Variants in TRDN observed in about 807,000 individuals in gnomAD.
The protein encoded by TRDN is triadin in skeletal muscle.
TRDN carries 161 observed loss-of-function variants against 149.7 expected under a neutral mutation model. The observed-to-expected ratio is 1.08, with a 90% CI of 0.95 to 1.23. The LOEUF is 1.23. Ranked by LOEUF, TRDN falls within the 50% of genes most tolerant of loss-of-function variation. The pLI, the probability that TRDN is intolerant of heterozygous loss-of-function variation, is 0.00. For synonymous variants in TRDN, 294 were observed against 250.5 expected (o/e 1.17, Z -1.64); for missense variants, 896 against 823.5 (o/e 1.09, Z -1.08).
At chr6:123,525,714 G>T (rs1481502254) in intron 5 of TRDN, among the ~76,000 whole-genome samples, 1 of 151,914 alleles carries the variant, frequency 6.6e-6, no homozygotes, top group Non-Finnish European at 1.5e-5. Flanking sequence ...AAAAAAACTT[G>T]TATTTTTATA....
At chr6:123,481,329 G>A (rs755725483) in intron 9 of TRDN, among the ~76,000 whole-genome samples, 2 of 151,038 alleles carry the variant, frequency 1.3e-5, no homozygotes, top group Non-Finnish European at 2.9e-5. Flanking sequence ...CAAGGTTTGG[G>A]TGTGTATGTC....
intron 24 of TRDN, among the ~76,000 whole-genome samples, chr6:123,284,082 G>C (rs1582820437): frequency 3.8e-5 from 4 of 105,460 alleles, no homozygotes; most frequent in Non-Finnish European, 3.8e-5. Flanking sequence ...ACTAACTCTT[G>C]CCCCCCCCCC....
intron 21 of TRDN, among the ~76,000 whole-genome samples, chr6:123,345,818 C>T (rs912425483): frequency 6.6e-6 from 1 of 151,838 alleles, no homozygotes; most frequent in African/African-American, 2.4e-5. Context: ...TATAAGTGAT[C>T]GTTGTGTTTT....
intron 38 of TRDN, among the ~76,000 whole-genome samples, chr6:123,231,055 C>T (rs1775579864): frequency 6.6e-6 from 1 of 152,000 alleles, no homozygotes; most frequent in Non-Finnish European, 1.5e-5. Flanking sequence ...CCTGCAGCAA[C>T]ACATTTTAAA....
intron 12 of TRDN, among the ~76,000 whole-genome samples, chr6:123,416,704 T>C (rs1172828549): frequency 2.0e-5 from 3 of 151,594 alleles, no homozygotes; most frequent in Non-Finnish European, 4.4e-5. Context: ...TCCTCTTTTT[T>C]TCTTTTTTTT....
chr6:123,242,735 C>T (rs1037265768), intron 38 of TRDN, among the ~76,000 whole-genome samples: 1 of 152,030 alleles, frequency 6.6e-6, no homozygotes, highest in African/African-American at 2.4e-5. Flanking sequence ...CCAGGAGAAG[C>T]TCTGGAATAT....
At chr6:123,585,911 G>A (rs952092911) in intron 1 of TRDN, among the ~76,000 whole-genome samples, 91 of 152,070 alleles carry the variant, frequency 6.0e-4, no homozygotes, top group African/African-American at 2.0e-3. Context: ...AGGCGAGGTT[G>A]ATTAAATCCT....
At chr6:123,530,201 A>G (rs1780170207) in intron 5 of TRDN, among the ~76,000 whole-genome samples, 1 of 152,052 alleles carries the variant, frequency 6.6e-6, no homozygotes, top group South Asian at 2.1e-4. Flanking sequence ...TAAAAGAAAA[A>G]AAATTATTTC....
chr6:123,572,484 TG>T (rs34602074), intron 1 of TRDN, among the ~76,000 whole-genome samples: 30,467 of 152,042 alleles, frequency 0.2, 3,899 homozygotes, highest in East Asian at 0.44. Flanking sequence ...TCTCATTATC[TG>T]GGCTACACTT....
chr6:123,374,085 C>A (rs1325219107), intron 19 of TRDN, among the ~76,000 whole-genome samples: 1 of 151,976 alleles, frequency 6.6e-6, no homozygotes, highest in Admixed American at 6.6e-5. Context: ...AGGATAATGG[C>A]CATGTCAAGT....
At chr6:123,241,782 C>A (rs1383990927) in intron 38 of TRDN, among the ~76,000 whole-genome samples, 1 of 151,826 alleles carries the variant, frequency 6.6e-6, no homozygotes, top group Non-Finnish European at 1.5e-5. Flanking sequence ...AAAATTGTAT[C>A]TCAAAGTTTA....
chr6:123,483,193 C>G (rs552137081), intron 9 of TRDN, among the ~76,000 whole-genome samples: 64 of 151,380 alleles, frequency 4.2e-4, no homozygotes, highest in African/African-American at 1.5e-3. Flanking sequence ...AGCTCCGCCT[C>G]CCAGGTTCAC....
intron 1 of TRDN, among the ~76,000 whole-genome samples, chr6:123,605,249 TA>T (rs1583313828): frequency 7.4e-6 from 1 of 135,556 alleles, no homozygotes; most frequent in East Asian, 2.5e-4. Context: ...TTCCATCAAA[TA>T]ATTATTTATA....
chr6:123,490,245 C>T (rs978187635), intron 9 of TRDN, among the ~76,000 whole-genome samples: 24 of 152,130 alleles, frequency 1.6e-4, no homozygotes, highest in African/African-American at 5.5e-4. Context: ...CCAAGATATC[C>T]AGTAGATACC....
intron 1 of TRDN, among the ~76,000 whole-genome samples, chr6:123,586,990 C>A (rs1419948607): frequency 6.6e-6 from 1 of 151,472 alleles, no homozygotes; most frequent in Non-Finnish European, 1.5e-5. Flanking sequence ...GATGGGGGCA[C>A]AGAGATATGA....
At chr6:123,478,673 T>G (rs541305028) in intron 9 of TRDN, among the ~76,000 whole-genome samples, 1 of 152,176 alleles carries the variant, frequency 6.6e-6, no homozygotes, top group Non-Finnish European at 1.5e-5. Context: ...ATAAATCTAT[T>G]TAATGTACCC....
chr6:123,536,061 G>C (rs1017302722), intron 4 of TRDN, among the ~76,000 whole-genome samples: 2 of 152,080 alleles, frequency 1.3e-5, no homozygotes, highest in African/African-American at 4.8e-5. Context: ...CATAAAATAA[G>C]ATTAACAGTA....
At chr6:123,595,126 A>G (rs1325182391) in intron 1 of TRDN, among the ~76,000 whole-genome samples, 1 of 152,128 alleles carries the variant, frequency 6.6e-6, no homozygotes, top group Non-Finnish European at 1.5e-5. Context: ...CCTGCAAATT[A>G]TTTCTCATGA....
intron 6 of TRDN, among the ~76,000 whole-genome samples, chr6:123,513,860 A>T (rs898729220): frequency 6.6e-6 from 1 of 152,120 alleles, no homozygotes; most frequent in African/African-American, 2.4e-5. Context: ...CCTAAATGTC[A>T]TAATGTGTTC....
Sources: gnomAD v4.1 joint callset for allele counts (sites outside exome capture counted in the v4.1 genomes callset) on GRCh38, gnomAD v4.1.1 for gene constraint, MANE v1.5 for transcripts, NCBI Gene and HGNC (gene_info 2026-07-23, HGNC 2026-07-21) for gene names.